The following CWC27 variants were observed in gnomAD, a reference collection of about 807,000 sequenced individuals.
The protein encoded by CWC27 is CWC27 spliceosome associated cyclophilin.
A neutral mutation model predicts 63.6 loss-of-function variants in CWC27; 47 were observed. That is an observed-to-expected ratio of 0.74 (90% CI 0.58 to 0.94). The LOEUF is 0.94. Ranked by LOEUF, CWC27 falls within the 40% of genes least tolerant of loss-of-function variation. The probability of loss-of-function intolerance (pLI) is 0.00; values close to 1 mark genes in which losing one functional copy is unlikely to be tolerated. For missense variants in CWC27, 495 were observed against 554.3 expected, an observed-to-expected ratio of 0.89 and a Z score of 1.07; for synonymous variants, 175 against 179.8, an observed-to-expected ratio of 0.97 and a Z score of 0.22.
intron 13 of CWC27, among the ~76,000 whole-genome samples, chr5:65,013,750 C>T (rs1160185790): frequency 6.6e-6 from 1 of 152,110 alleles, no homozygotes; most frequent in Non-Finnish European, 1.5e-5. Context: ...CTGCAACAAT[C>T]GTAGGGTTGG....
chr5:64,838,585 T>G (rs1056291834), intron 10 of CWC27, among the ~76,000 whole-genome samples: 3 of 152,180 alleles, frequency 2.0e-5, no homozygotes, highest in African/African-American at 7.2e-5. Context: ...TACCAGAGTT[T>G]CCTGGTTGTT....
At chr5:64,791,716 C>T (rs557276033) in intron 7 of CWC27, among the ~76,000 whole-genome samples, 2 of 152,212 alleles carry the variant, frequency 1.3e-5, no homozygotes, top group South Asian at 4.1e-4. Flanking sequence ...TTTTCTCCAG[C>T]TGCTTATTGG....
chr5:64,984,023 G>A (rs951840233), intron 13 of CWC27, among the ~76,000 whole-genome samples: 1 of 151,948 alleles, frequency 6.6e-6, no homozygotes, highest in African/African-American at 2.4e-5. Context: ...AGTAGAGATG[G>A]GGTTTCACCA....
chr5:64,985,031 AT>A (rs1749399803), intron 13 of CWC27, among the ~76,000 whole-genome samples: 1 of 152,196 alleles, frequency 6.6e-6, no homozygotes, highest in South Asian at 2.1e-4. Context: ...TTCCAGTACC[AT>A]TTGTTAAAAA....
At chr5:64,824,058 G>T (rs139187695) in intron 10 of CWC27, among the ~76,000 whole-genome samples, 2 of 152,208 alleles carry the variant, frequency 1.3e-5, no homozygotes, top group East Asian at 3.9e-4. Context: ...AAATTTAAAA[G>T]ATAAAGTTCT....
At chr5:65,015,862 T>C (rs2915436) in intron 13 of CWC27, among the ~76,000 whole-genome samples, 131,705 of 152,230 alleles carry the variant, frequency 0.87, 57,157 homozygotes, top group African/African-American at 0.93. Context: ...CCCCATTATT[T>C]GAAAGAAACT....
At chr5:64,979,792 G>T (rs921656620) in intron 13 of CWC27, among the ~76,000 whole-genome samples, 1 of 152,056 alleles carries the variant, frequency 6.6e-6, no homozygotes, top group Admixed American at 6.5e-5. Context: ...CACATGAGTG[G>T]CCACACATTG....
chr5:65,015,914 C>G (rs2915437), intron 13 of CWC27, among the ~76,000 whole-genome samples: 131,394 of 152,258 alleles, frequency 0.86, 56,862 homozygotes, highest in African/African-American at 0.93. Flanking sequence ...TCACTGGAGC[C>G]AGTCTGCAGC....
At chr5:64,912,224 C>T (rs1747804923) in intron 11 of CWC27, among the ~76,000 whole-genome samples, 1 of 152,032 alleles carries the variant, frequency 6.6e-6, no homozygotes, top group South Asian at 2.1e-4. Context: ...TGAAAATCCT[C>T]CCTGGGAGAA....
chr5:65,017,150 T>G (rs1251868511), intron 13 of CWC27, among the ~76,000 whole-genome samples: 1 of 151,956 alleles, frequency 6.6e-6, no homozygotes, highest in Non-Finnish European at 1.5e-5. Context: ...TGAAACCCCG[T>G]CTCTGCTAAA....
chr5:64,901,203 TTAAACATATC>T, intron 11 of CWC27, among the ~76,000 whole-genome samples: 1 of 152,080 alleles, frequency 6.6e-6, no homozygotes, highest in Non-Finnish European at 1.5e-5. Flanking sequence ...ATTTGTGTAT[TTAAACATATC>T]TAAACATAGA....
At chr5:64,928,090 G>T (rs548468211) in intron 11 of CWC27, among the ~76,000 whole-genome samples, 1 of 152,088 alleles carries the variant, frequency 6.6e-6, no homozygotes, top group Non-Finnish European at 1.5e-5. Context: ...GGGAGGCCAA[G>T]GTTGCAGTGA....
chr5:64,902,361 G>A (rs1164049124), intron 11 of CWC27, among the ~76,000 whole-genome samples: 2 of 152,156 alleles, frequency 1.3e-5, no homozygotes, highest in African/African-American at 4.8e-5. Context: ...TGTGTTTGCA[G>A]TCCATTAGTT....
At chr5:64,807,270 C>A (rs969871603) in intron 10 of CWC27, among the ~76,000 whole-genome samples, 2 of 152,194 alleles carry the variant, frequency 1.3e-5, no homozygotes, top group Admixed American at 6.5e-5. Flanking sequence ...AAGGAAACAT[C>A]TGGAATCTGT....
At chr5:64,774,544 G>A (rs887924201) in intron 1 of CWC27, 147 bp from the exon 2 acceptor site, 2 of 445,232 alleles carry the variant, frequency 4.5e-6, no homozygotes, top group Non-Finnish European at 7.8e-6. Flanking sequence ...TTGACATTTT[G>A]TTGAGTATAT....
intron 13 of CWC27, among the ~76,000 whole-genome samples, chr5:65,012,965 G>C (rs1001695473): frequency 2.6e-5 from 4 of 152,172 alleles, no homozygotes; most frequent in African/African-American, 9.6e-5. Context: ...GCCTGGCACT[G>C]ATAGTTTTTA....
chr5:64,916,191 C>A (rs1242284742), intron 11 of CWC27, among the ~76,000 whole-genome samples: 1 of 152,128 alleles, frequency 6.6e-6, no homozygotes, highest in African/African-American at 2.4e-5. Context: ...TCCATATTTG[C>A]TTAACTATCT....
chr5:64,843,836 C>G (rs1433603), intron 10 of CWC27, among the ~76,000 whole-genome samples: 53,525 of 151,766 alleles, frequency 0.35, 9,875 homozygotes, highest in East Asian at 0.51. Context: ...TTAAAATGTA[C>G]AGGGTCTGGT....
chr5:64,918,468 T>C (rs907771946), intron 11 of CWC27, among the ~76,000 whole-genome samples: 1 of 152,114 alleles, frequency 6.6e-6, no homozygotes, highest in Non-Finnish European at 1.5e-5. Flanking sequence ...TGTGAGGTAA[T>C]GTATGTGTTA....
Sources: allele counts gnomAD v4.1 joint callset (sites outside exome capture counted in the v4.1 genomes callset), GRCh38; gene constraint gnomAD v4.1.1; transcripts MANE v1.5; gene names NCBI Gene and HGNC (gene_info 2026-07-23, HGNC 2026-07-21).